The following ICE1 variants were observed in gnomAD, a reference collection of about 807,000 sequenced individuals.
ICE1 encodes the protein little elongation complex subunit 1.
Under a neutral mutation model 192.7 loss-of-function variants are expected in ICE1, and 64 were observed. That is an observed-to-expected ratio of 0.33 (90% CI 0.27 to 0.41). ICE1 has a LOEUF of 0.41. Among genes scored for constraint, ICE1 ranks in the 10% least tolerant of loss-of-function variants. The pLI, the probability that ICE1 is intolerant of heterozygous loss-of-function variation, is 1.00. For synonymous variants in ICE1, 1,010 were observed against 984.5 expected (o/e 1.03, Z -0.49); for missense variants, 2,708 against 2,696.0 (o/e 1.00, Z -0.10).
intron 16 of ICE1, among the ~76,000 whole-genome samples, chr5:5,474,834 C>T (rs1401293009): frequency 6.6e-6 from 1 of 152,206 alleles, no homozygotes; most frequent in African/African-American, 2.4e-5. Context: ...ATGTCTGTTA[C>T]TCTTGTTCAT....
chr5:5,469,092 C>G (rs1014664579), intron 15 of ICE1, 104 bp downstream of exon 15: 1 of 789,686 alleles, frequency 1.3e-6, no homozygotes, highest in East Asian at 3.3e-5. Context: ...TAGGCATTTT[C>G]TTCTTTCTAG....
intron 11 of ICE1, 89 bp from the exon 12 acceptor site, chr5:5,457,243 G>A (rs1051214880): frequency 1.6e-5 from 21 of 1,278,622 alleles, no homozygotes; most frequent in Non-Finnish European, 1.8e-5. Flanking sequence ...ATTTTGAACT[G>A]TTGTAATAAG....
At position 5,457,424 on chromosome 5, in the gene ICE1, G is replaced by A. The variant is rs201045979; in HGVS notation, c.784G>A (p.Val262Met). The A allele has an allele frequency of 6.8e-6, 11 of 1,613,798 alleles. No homozygotes were observed. In the Middle Eastern group the frequency reaches 1.2e-3, roughly 169 times the overall value. Reference sequence around the variant, plus strand: ...GGGCAGCCCTCTCAGGACCTCAAATGTGCAGACATGCCTCACAAAACTGTC... The same window carrying A: ...GGGCAGCCCTCTCAGGACCTCAAATATGCAGACATGCCTCACAAAACTGTC... ...TQGSPLRTSNVQTCLTKLSME... is the reference protein window; with the variant it reads ...TQGSPLRTSNMQTCLTKLSME... Residue 262 changes from valine (V) to methionine (M), a missense_variant, in exon 12 of 19, where the codon GTG (valine) becomes ATG (methionine). By Grantham distance (21) the Val-to-Met change is conservative. This residue lies in a region of ICE1 where 2,366 missense variants were observed against 2,276.6 expected (regional missense o/e 1.04). Transcript: ENST00000296564.
At chr5:5,460,413 A>C (rs1387143562) in intron 12 of ICE1, 23 bp from the exon 13 acceptor site, 2 of 1,344,244 alleles carry the variant, frequency 1.5e-6, no homozygotes. Context: ...AGTGTTTGAC[A>C]AGTGTAATTC....
In ICE1 at chr5:5,457,707, C is replaced by A. The variant is rs763187327; in HGVS notation, c.1067C>A (p.Pro356His). 2 of 1,613,528 alleles carry A rather than the reference C, an allele frequency of 1.2e-6. No homozygotes were observed. The highest frequency in any genetic ancestry group is 4.5e-5 in the East Asian group (2 of 44,880). ...PVPSPPPMSS[P>H]HPGSLPSSFA... ...CCCTCGCCCCCTCCGATGTCATCAC[C>A]TCACCCGGGTTCCTTACCGTCTTCA... is the stretch of plus-strand genomic sequence containing the variant. Residue 356 changes from proline to histidine, a missense_variant, in exon 12 of 19, where the codon CCT (proline) becomes CAT (histidine). Physicochemically the swap from Pro to His is moderately conservative, Grantham distance 77. This residue lies in a region of ICE1 where 2,366 missense variants were observed against 2,276.6 expected (regional missense o/e 1.04). Coordinates refer to ENST00000296564, the MANE Select transcript of ICE1 (RefSeq NM_015325.3).
Position 5,464,906 on chromosome 5 carries a change from G to A in ICE1, c.5572G>A (p.Glu1858Lys). 6.2e-7 allele frequency: 1 copy of A among 1,613,470 alleles called. No homozygotes were observed. The highest frequency in any genetic ancestry group is 8.5e-7 in the Non-Finnish European group (1 of 1,179,638). Residue 1858 changes from glutamate (E) to lysine (K), a missense_variant, in exon 13 of 19, where the codon GAA becomes AAA. Glu to Lys is a moderately conservative substitution (Grantham distance 56, BLOSUM62 1). Transcript: ENST00000296564. This position sits in a 1 kb window ranked among gnomAD's most constrained non-coding sequence, Gnocchi z 4.0. ...LRLDTGSPEP[E>K]TRGVTAEGIH... ...CCTGGACACTGGGTCCCCAGAACCAGAAACCAGGGGAGTCACTGCAGAAGG... is the reference window on the plus strand; with the variant it reads ...CCTGGACACTGGGTCCCCAGAACCAAAAACCAGGGGAGTCACTGCAGAAGG...
chr5:5,454,492 T>G (rs1002980806), intron 10 of ICE1, 60 bp from the exon 11 acceptor site: 29 of 1,135,938 alleles, frequency 2.6e-5, no homozygotes, highest in Non-Finnish European at 3.7e-5. Flanking sequence ...AGAAGTATGT[T>G]CTGGCCTTGT....
chr5:5,447,780 T>A lies in ICE1; in HGVS notation c.547+20T>A. 1.3e-6 allele frequency: 2 copies of A among 1,574,700 alleles called. No homozygotes were observed. Among genetic ancestry groups the A allele is most frequent in the Non-Finnish European group, 1.7e-6 (2 of 1,157,654 alleles). ...AAAAGGGTGAGTATTCAGTTAATGC[T>A]TACATAAATTTATTTTTGATATGTA... On this transcript the variant is annotated intron_variant, in intron 9 of 18. Transcript: ENST00000296564.
chr5:5,472,506 T>G (rs1357718376), intron 15 of ICE1, among the ~76,000 whole-genome samples: 1 of 152,174 alleles, frequency 6.6e-6, no homozygotes, highest in African/African-American at 2.4e-5. Context: ...CATGTCAAAA[T>G]TTATTTCTGC....
chr5:5,455,395 C>A (rs1738554603), intron 11 of ICE1, among the ~76,000 whole-genome samples: 3 of 152,174 alleles, frequency 2.0e-5, no homozygotes, highest in Admixed American at 2.0e-4. Context: ...TTGGTATTAA[C>A]CACATGGTGC....
In ICE1 at chr5:5,426,871, G is replaced by A. The variant is rs78068830; in HGVS notation, c.84+3872G>A. Among the ~76,000 whole-genome samples the A allele has an allele frequency of 1.1e-3, 174 of 152,340 alleles. 3 individuals carry two copies. The highest frequency in any genetic ancestry group is 9.3e-3 in the East Asian group (48 of 5,184). On this transcript the variant is annotated intron_variant, in intron 1 of 18. Transcript: ENST00000296564. ...ACTTTCGTGTGAGAGAGAAACTAAA[G>A]AGGTACAGAGAGAAGATATTCTGTG...
At chr5:5,472,616 T>G (rs1331392005) in intron 15 of ICE1, among the ~76,000 whole-genome samples, 1 of 152,208 alleles carries the variant, frequency 6.6e-6, no homozygotes, top group Non-Finnish European at 1.5e-5. Context: ...AACCATGATT[T>G]GGCTATGGAT....
intron 17 of ICE1, among the ~76,000 whole-genome samples, chr5:5,479,448 TGCTGGTGAG>T (rs1436097387): frequency 1.3e-5 from 2 of 152,160 alleles, no homozygotes; most frequent in Non-Finnish European, 2.9e-5. Flanking sequence ...AAACAACAGA[TGCTGGTGAG>T]GCTGTGGAGA....
chr5:5,475,943 C>A, intron 16 of ICE1, 30 bp from the exon 17 acceptor site: 1 of 1,271,620 alleles, frequency 7.9e-7, no homozygotes, highest in Non-Finnish European at 1.1e-6. Context: ...TGATGATGAG[C>A]ATACATCTTT....
At chr5:5,481,846 G>A (rs1356625363) in intron 17 of ICE1, among the ~76,000 whole-genome samples, 2 of 152,188 alleles carry the variant, frequency 1.3e-5, no homozygotes, top group Non-Finnish European at 2.9e-5. Flanking sequence ...ATGCTGTACA[G>A]ATTTGTAGCC....
chr5:5,480,852 A>C (rs1739484175), intron 17 of ICE1, among the ~76,000 whole-genome samples: 1 of 152,214 alleles, frequency 6.6e-6, no homozygotes. Context: ...AGGAGAACCA[A>C]ATGATTGCCA....
At chr5:5,441,698 G>A (rs557159621) in intron 5 of ICE1, among the ~76,000 whole-genome samples, 1 of 152,286 alleles carries the variant, frequency 6.6e-6, no homozygotes, top group Admixed American at 6.5e-5. Context: ...GCTCTGGTAT[G>A]AGTTAAGATG....
chr5:5,465,752 TG>T (rs1738965734), intron 13 of ICE1, among the ~76,000 whole-genome samples: 1 of 152,214 alleles, frequency 6.6e-6, no homozygotes, highest in African/African-American at 2.4e-5. Context: ...AGTGCTTATC[TG>T]CAGACACTTG....
At chr5:5,444,035 G>A (rs569384350) in intron 6 of ICE1, among the ~76,000 whole-genome samples, 2 of 152,250 alleles carry the variant, frequency 1.3e-5, no homozygotes, top group African/African-American at 4.8e-5. Flanking sequence ...TTCAGGAAGG[G>A]TCCCAGATGT....
Sources: gnomAD v4.1 joint callset for allele counts (sites outside exome capture counted in the v4.1 genomes callset) on GRCh38, gnomAD v4.1.1 for gene constraint, gnomAD v4.1.1 regional missense constraint, Gnocchi (gnomAD v3.1) non-coding constraint, MANE v1.5 for transcripts, NCBI Gene and HGNC (gene_info 2026-07-23, HGNC 2026-07-21) for gene names.